Variants in LMX1A observed in about 807,000 individuals in gnomAD.
LMX1A encodes LIM homeobox transcription factor 1-alpha.
In LMX1A, 15 loss-of-function variants were observed where a neutral mutation model predicts 49.1. The ratio of observed to expected loss-of-function variants is 0.31; its 90% CI spans 0.20 to 0.47. The LOEUF (loss-of-function observed/expected upper bound fraction) is 0.47. Ranked by LOEUF, LMX1A falls within the 20% of genes least tolerant of loss-of-function variation. The probability of loss-of-function intolerance (pLI) is 1.00; values close to 1 mark genes in which losing one functional copy is unlikely to be tolerated. For synonymous variants in LMX1A, 167 were observed against 185.7 expected (o/e 0.90, Z 0.82); for missense variants, 372 against 475.8 (o/e 0.78, Z 2.03).
intron 4 of LMX1A, among the ~76,000 whole-genome samples, chr1:165,219,669 T>G (rs1050230249): frequency 6.6e-6 from 1 of 152,244 alleles, no homozygotes; most frequent in African/African-American, 2.4e-5. Context: ...TTTGAAACTG[T>G]CTGACACATA....
chr1:165,213,930 C>CAAT, intron 4 of LMX1A, 117 bp from the exon 5 acceptor site: 2 of 856,638 alleles, frequency 2.3e-6, no homozygotes. Flanking sequence ...TGTATGAGAG[C>CAAT]AATAATCTAT....
chr1:165,299,082 G>C (rs1009896869), intron 3 of LMX1A, among the ~76,000 whole-genome samples: 1 of 152,188 alleles, frequency 6.6e-6, no homozygotes, highest in Non-Finnish European at 1.5e-5. Context: ...GTATGTTTCA[G>C]ACCCATGACT....
chr1:165,302,230 G>A (rs917332300), intron 3 of LMX1A, among the ~76,000 whole-genome samples: 56 of 152,100 alleles, frequency 3.7e-4, no homozygotes, highest in African/African-American at 1.3e-3. Flanking sequence ...GATCACCTGA[G>A]GTCAGGAGTT....
Position 165,274,497 on chromosome 1 carries a change from T to C in LMX1A, c.264-24857A>G, listed in dbSNP as rs537477885. ...AATTTGGGGTTTCGGTTTTGGGGCATAGAAGCAAGGACTTATTGCTGATTC... is the reference window on the plus strand; with the variant it reads ...AATTTGGGGTTTCGGTTTTGGGGCACAGAAGCAAGGACTTATTGCTGATTC... On this transcript the variant is annotated intron_variant, in intron 3 of 8. Coordinates refer to ENST00000342310, the MANE Select transcript of LMX1A (RefSeq NM_177398.4). Among the ~76,000 whole-genome samples the C allele has an allele frequency of 4.6e-5, 7 of 152,284 alleles. No individual in the cohort carries two copies. In the South Asian group the frequency reaches 1.4e-3, roughly 32 times the overall value.
chr1:165,292,131 C>T (rs937594636), intron 3 of LMX1A, among the ~76,000 whole-genome samples: 1 of 149,170 alleles, frequency 6.7e-6, no homozygotes, highest in Non-Finnish European at 1.5e-5. Flanking sequence ...CAGGCAGAGA[C>T]GCATCAGGAA....
At chr1:165,228,095 A>G (rs1652101161) in intron 4 of LMX1A, among the ~76,000 whole-genome samples, 1 of 152,262 alleles carries the variant, frequency 6.6e-6, no homozygotes, top group Non-Finnish European at 1.5e-5. Context: ...AAAGTAAAGC[A>G]TGATCTAAGT....
intron 3 of LMX1A, among the ~76,000 whole-genome samples, chr1:165,325,160 G>A (rs1655530414): frequency 6.6e-6 from 1 of 151,956 alleles, no homozygotes; most frequent in Non-Finnish European, 1.5e-5. Flanking sequence ...ACATCATCAT[G>A]TTGGTCTCAA....
chr1:165,286,737 A>C (rs1401798808), intron 3 of LMX1A, among the ~76,000 whole-genome samples: 1 of 152,142 alleles, frequency 6.6e-6, no homozygotes, highest in Middle Eastern at 3.2e-3. Context: ...ACCCGAAATC[A>C]TATAGATTAT....
intron 3 of LMX1A, among the ~76,000 whole-genome samples, chr1:165,325,252 C>T (rs1468365492): frequency 6.6e-6 from 1 of 152,138 alleles, no homozygotes; most frequent in Non-Finnish European, 1.5e-5. Context: ...GTTTGTTCCC[C>T]TTACTTACTC....
intron 3 of LMX1A, among the ~76,000 whole-genome samples, chr1:165,330,613 C>T (rs1655718652): frequency 6.6e-6 from 1 of 152,086 alleles, no homozygotes. Flanking sequence ...AGACAACGGA[C>T]CAAAAGTAGG....
intron 3 of LMX1A, among the ~76,000 whole-genome samples, chr1:165,277,663 C>T (rs1654010262): frequency 1.3e-5 from 2 of 152,212 alleles, no homozygotes; most frequent in Admixed American, 6.5e-5. Flanking sequence ...CCTGCTCTGT[C>T]AGTGCTGGCC....
At chr1:165,213,881 T>C (rs758073686) in intron 4 of LMX1A, 68 bp from the exon 5 acceptor site, 563 of 1,397,026 alleles carry the variant, frequency 4.0e-4, no homozygotes, top group Non-Finnish European at 5.3e-4. Context: ...TGTTATTCCA[T>C]AGCAAGGCCT....
intron 3 of LMX1A, among the ~76,000 whole-genome samples, chr1:165,269,003 G>C (rs773104631): frequency 6.6e-6 from 1 of 152,208 alleles, no homozygotes; most frequent in Non-Finnish European, 1.5e-5. Flanking sequence ...CTCTTCTAGA[G>C]TCTAGACTCA....
intron 3 of LMX1A, among the ~76,000 whole-genome samples, chr1:165,280,629 T>C (rs945215536): frequency 6.6e-6 from 1 of 152,234 alleles, no homozygotes; most frequent in Non-Finnish European, 1.5e-5. Context: ...CTATTAGTAT[T>C]CATGCACCCA....
At chr1:165,243,711 G>C (rs1336470375) in intron 4 of LMX1A, among the ~76,000 whole-genome samples, 1 of 152,198 alleles carries the variant, frequency 6.6e-6, no homozygotes, top group Admixed American at 6.5e-5. Flanking sequence ...CAAGACCATG[G>C]TTTGAGTTTA....
intron 3 of LMX1A, among the ~76,000 whole-genome samples, chr1:165,266,772 T>A (rs984168696): frequency 1.3e-5 from 2 of 151,934 alleles, no homozygotes; most frequent in Non-Finnish European, 2.9e-5. Flanking sequence ...CAGCTAATTT[T>A]TTGTATTTTT....
At chr1:165,304,579 G>C (rs958665932) in intron 3 of LMX1A, among the ~76,000 whole-genome samples, 36 of 152,062 alleles carry the variant, frequency 2.4e-4, no homozygotes, top group African/African-American at 8.5e-4. Flanking sequence ...AACTGCACAT[G>C]GTTAATGTTC....
chr1:165,249,175 T>C (rs1192157863), intron 4 of LMX1A, among the ~76,000 whole-genome samples: 1 of 152,210 alleles, frequency 6.6e-6, no homozygotes, highest in Non-Finnish European at 1.5e-5. Context: ...GTGTTTATGG[T>C]TGTATGCCAT....
intron 3 of LMX1A, among the ~76,000 whole-genome samples, chr1:165,277,521 T>C (rs140153238): frequency 3.9e-5 from 6 of 152,334 alleles, no homozygotes; most frequent in East Asian, 1.9e-4. Context: ...CAAATGTATG[T>C]TAGTGTCAGA....
Sources: gnomAD v4.1 joint callset for allele counts (sites outside exome capture counted in the v4.1 genomes callset) on GRCh38, gnomAD v4.1.1 for gene constraint, MANE v1.5 for transcripts, NCBI Gene and HGNC (gene_info 2026-07-23, HGNC 2026-07-21) for gene names.